Variants in TNIP1 observed in about 807,000 individuals in gnomAD.
The protein encoded by TNIP1 is TNFAIP3-interacting protein 1.
In TNIP1, 22 loss-of-function variants were observed where a neutral mutation model predicts 86.6. The ratio of observed to expected loss-of-function variants is 0.25; its 90% CI spans 0.18 to 0.36. The LOEUF (loss-of-function observed/expected upper bound fraction) is 0.36, where lower values mean the gene tolerates loss of function less well. TNIP1 is among the 10% of genes least tolerant of loss of function. The pLI is 1.00. For synonymous variants in TNIP1, 294 were observed against 313.0 expected (o/e 0.94, Z 0.64); for missense variants, 709 against 820.6 (o/e 0.86, Z 1.66).
At position 151,052,230 on chromosome 5, in the gene TNIP1, G is replaced by A. The variant is rs746221546; in HGVS notation, c.657C>T (p.Asn219=). The A allele has an allele frequency of 2.7e-5, 44 of 1,613,914 alleles. 1 individual carries two copies. The South Asian group carries it at 3.2e-4, about 12-fold the overall frequency. The change falls in exon 7 of 18, where the codon AAC becomes AAT. Residue 219 remains asparagine (N), a synonymous_variant. Coordinates refer to ENST00000521591, the MANE Select transcript of TNIP1 (RefSeq NM_006058.5). ...QTLCEQLRKE[N]EALKAKLDKG... ...TATCCAACTTGGCCTTCAGAGCCTC[G>A]TTCTCCTTCCGAAGCTGCTCACACA... is the stretch of plus-strand genomic sequence containing the variant.
At chr5:151,059,090 G>A (rs1036861666) in intron 5 of TNIP1, among the ~76,000 whole-genome samples, 9 of 152,186 alleles carry the variant, frequency 5.9e-5, no homozygotes, top group African/African-American at 1.9e-4. Context: ...CCATGCCTGC[G>A]ACTTCTCCAG....
intron 6 of TNIP1, among the ~76,000 whole-genome samples, chr5:151,056,202 G>T (rs1760636236): frequency 6.6e-6 from 1 of 152,210 alleles, no homozygotes; most frequent in South Asian, 2.1e-4. Flanking sequence ...CCAAGGTCTG[G>T]CCTGGCCTAG....
chr5:151,041,857 C>T (rs1758459391), intron 11 of TNIP1, among the ~76,000 whole-genome samples: 1 of 152,036 alleles, frequency 6.6e-6, no homozygotes, highest in Non-Finnish European at 1.5e-5. Context: ...GTTGTAGCCC[C>T]TCCCCAACAA....
intron 1 of TNIP1, among the ~76,000 whole-genome samples, chr5:151,074,985 C>T (rs575579051): frequency 6.6e-6 from 1 of 152,286 alleles, no homozygotes; most frequent in East Asian, 1.9e-4. Flanking sequence ...GCCATGTTGC[C>T]CAAGCTGGTC....
At position 151,039,890 on chromosome 5, in the gene TNIP1, G is replaced by A. The variant is rs147954466; in HGVS notation, c.1135-665C>T. On this transcript the variant is annotated intron_variant, in intron 11 of 17. Coordinates refer to ENST00000521591, the MANE Select transcript of TNIP1 (RefSeq NM_006058.5). ...AGCTGAGGGAAGGCTTCCAGGAGGC[G>A]GTTCCATACCCTCTACGGAACCAGC... is the stretch of plus-strand genomic sequence containing the variant. 3.8e-4 allele frequency among the ~76,000 whole-genome samples: 58 copies of A among 152,310 alleles called. No homozygotes were observed. The East Asian group carries it at 0.011, about 28-fold the overall frequency.
chr5:151,078,951 T>G (rs1763695147), intron 1 of TNIP1, among the ~76,000 whole-genome samples: 3 of 152,102 alleles, frequency 2.0e-5, no homozygotes, highest in Admixed American at 2.0e-4. Context: ...CAGGCAGCAC[T>G]GGGGGTAAGG....
chr5:151,057,449 G>T (rs1760817699), intron 5 of TNIP1, among the ~76,000 whole-genome samples: 1 of 152,182 alleles, frequency 6.6e-6, no homozygotes, highest in Non-Finnish European at 1.5e-5. Context: ...AAACTGGCCG[G>T]GCGCGATGGC....
At chr5:151,077,681 C>T (rs895642934) in intron 1 of TNIP1, among the ~76,000 whole-genome samples, 2 of 152,250 alleles carry the variant, frequency 1.3e-5, no homozygotes, top group Non-Finnish European at 2.9e-5. Flanking sequence ...GGCACCACCA[C>T]CATCCACTGG....
chr5:151,043,112 C>A, intron 9 of TNIP1, 151 bp from the exon 10 acceptor site: 1 of 771,864 alleles, frequency 1.3e-6, no homozygotes, highest in Non-Finnish European at 2.2e-6. Flanking sequence ...CTCTCGAAAA[C>A]TCAATGTTGC....
chr5:151,073,019 C>A (rs1184788874), intron 1 of TNIP1, among the ~76,000 whole-genome samples: 1 of 151,956 alleles, frequency 6.6e-6, no homozygotes, highest in Non-Finnish European at 1.5e-5. Flanking sequence ...GTCAGGAGTT[C>A]GAGATCAGCC....
intron 12 of TNIP1, among the ~76,000 whole-genome samples, chr5:151,038,154 C>T (rs1757953992): frequency 6.6e-6 from 1 of 152,132 alleles, no homozygotes; most frequent in African/African-American, 2.4e-5. Context: ...GGTCAAGGGC[C>T]CCAGACTTGG....
intron 1 of TNIP1, among the ~76,000 whole-genome samples, chr5:151,070,466 C>A (rs1168540945): frequency 6.6e-6 from 1 of 152,178 alleles, no homozygotes; most frequent in Non-Finnish European, 1.5e-5. Flanking sequence ...TAGGTTCTGG[C>A]CTCCACTTAT....
At chr5:151,082,568 C>T (rs978200476), upstream of TNIP1, among the ~76,000 whole-genome samples, 2 of 152,206 alleles carry the variant, frequency 1.3e-5, no homozygotes, top group African/African-American at 4.8e-5. Context: ...TCTCCACCCC[C>T]ACCCTCTACC....
At chr5:151,066,090 C>T (rs535835390) in intron 1 of TNIP1, among the ~76,000 whole-genome samples, 1 of 152,300 alleles carries the variant, frequency 6.6e-6, no homozygotes, top group East Asian at 1.9e-4. Context: ...GCAAATAAAA[C>T]AGACAAAAAT....
chr5:151,033,521 T>G (rs1757190436), intron 16 of TNIP1, 87 bp downstream of exon 16: 3 of 935,122 alleles, frequency 3.2e-6, no homozygotes, highest in East Asian at 5.6e-5. Context: ...ATGCAGTTTC[T>G]GAACCCCTCA....
chr5:151,074,182 G>A (rs372338537), intron 1 of TNIP1, among the ~76,000 whole-genome samples: 2 of 152,040 alleles, frequency 1.3e-5, no homozygotes, highest in East Asian at 3.8e-4. Flanking sequence ...TGAGTTTTGG[G>A]GGGTTTTTCC....
At chr5:151,075,041 A>T (rs1763225232) in intron 1 of TNIP1, among the ~76,000 whole-genome samples, 1 of 152,166 alleles carries the variant, frequency 6.6e-6, no homozygotes, top group South Asian at 2.1e-4. Context: ...TCTGCCTCCC[A>T]AAGTGCCAGT....
rs1164632883 is a variant in TNIP1, at chr5:151,030,261, G to T, written c.*452C>A. Reference sequence around the variant, plus strand: ...CACAGCTCCTCACAGAGGGGTAGGGGTGTGCGTGGGGCAGGTCCTGCTACA... The same window carrying T: ...CACAGCTCCTCACAGAGGGGTAGGGTTGTGCGTGGGGCAGGTCCTGCTACA... On this transcript the variant is annotated 3_prime_UTR_variant, in exon 18 of 18. Transcript: ENST00000521591. The T allele has an allele frequency of 7.3e-6, 3 of 412,552 alleles. No individual in the cohort carries two copies. The Admixed American group carries it at 7.9e-5, about 11-fold the overall frequency. 25.6% of individuals were successfully genotyped at this position (412,552 alleles called of 1,614,324 possible). A position where few individuals can be genotyped will look rare whatever the true frequency, so the allele number is the denominator to read the frequency against.
chr5:151,064,980 A>AT lies in TNIP1; in HGVS notation c.115dup (p.Met39AsnfsTer50). ...TTTACCTAACATCTTTATCCCTTGC[A>AT]TTTTTTCCTTCAGCCGGGAATTCTC... is the stretch of plus-strand genomic sequence containing the variant. On this transcript the variant is annotated frameshift_variant, in exon 2 of 18. Transcript: ENST00000521591. LOFTEE classifies it high-confidence loss of function. The AT allele has an allele frequency of 6.2e-7, 1 of 1,613,992 alleles. No individual in the cohort carries two copies. The highest frequency in any genetic ancestry group is 8.5e-7 in the Non-Finnish European group (1 of 1,179,990).
Sources: allele counts gnomAD v4.1 joint callset (sites outside exome capture counted in the v4.1 genomes callset), GRCh38; gene constraint gnomAD v4.1.1; transcripts MANE v1.5; gene names NCBI Gene and HGNC (gene_info 2026-07-23, HGNC 2026-07-21).